EEF1AKMT1: variants seen among roughly 807,000 people sequenced by gnomAD.
EEF1AKMT1 encodes the protein N-6 adenine-specific DNA methyltransferase 2 (putative).
In EEF1AKMT1, 18 loss-of-function variants were observed where a neutral mutation model predicts 21.0. The ratio of observed to expected loss-of-function variants is 0.86; its 90% CI spans 0.59 to 1.27. The LOEUF (loss-of-function observed/expected upper bound fraction) is 1.27. EEF1AKMT1 is among the 50% of genes most tolerant of loss of function. EEF1AKMT1 has a pLI of 0.00. For synonymous variants in EEF1AKMT1, 109 were observed against 94.8 expected, an observed-to-expected ratio of 1.15 and a Z score of -0.87; for missense variants, 246 against 258.6, an observed-to-expected ratio of 0.95 and a Z score of 0.33.
intron 3 of EEF1AKMT1, among the ~76,000 whole-genome samples, chr13:20,736,601 T>A (rs1187250952): frequency 2.0e-5 from 3 of 151,950 alleles, no homozygotes; most frequent in Non-Finnish European, 4.4e-5. Context: ...TGCAGAGCCC[T>A]GGGAATAGGG....
chr13:20,735,569 CT>C (rs2058822042), intron 3 of EEF1AKMT1, among the ~76,000 whole-genome samples: 1 of 152,108 alleles, frequency 6.6e-6, no homozygotes, highest in South Asian at 2.1e-4. Flanking sequence ...ACTGACAAAA[CT>C]ACAAGAAAAG....
At chr13:20,754,889 C>T (rs753980441) in intron 2 of EEF1AKMT1, among the ~76,000 whole-genome samples, 1 of 132,990 alleles carries the variant, frequency 7.5e-6, no homozygotes, top group African/African-American at 2.8e-5. Context: ...GACTCCGCCT[C>T]GGAGAAAAAG....
At chr13:20,753,710 T>C (rs2058955492) in intron 2 of EEF1AKMT1, among the ~76,000 whole-genome samples, 1 of 152,216 alleles carries the variant, frequency 6.6e-6, no homozygotes, top group Admixed American at 6.5e-5. Context: ...TAAAATCTGC[T>C]TTATCTGATA....
chr13:20,765,418 T>G (rs910772263), intron 1 of EEF1AKMT1, among the ~76,000 whole-genome samples: 1 of 130,850 alleles, frequency 7.6e-6, no homozygotes, highest in Non-Finnish European at 1.6e-5. Flanking sequence ...TTTTTTTTTT[T>G]TTTTTTTTTT....
chr13:20,773,863 C>G (rs1011599442), intron 1 of EEF1AKMT1, 58 bp downstream of exon 1: 4 of 152,568 alleles, frequency 2.6e-5, no homozygotes, highest in African/African-American at 9.6e-5. Context: ...TAACCCAGTC[C>G]AAAACGCCTC....
At chr13:20,768,354 G>T (rs75803659) in intron 1 of EEF1AKMT1, among the ~76,000 whole-genome samples, 1 of 152,230 alleles carries the variant, frequency 6.6e-6, no homozygotes, top group East Asian at 1.9e-4. Flanking sequence ...ACCCCACTAC[G>T]GAGGCAAAAC....
intron 2 of EEF1AKMT1, among the ~76,000 whole-genome samples, chr13:20,755,542 T>C (rs957011286): frequency 6.6e-6 from 1 of 152,210 alleles, no homozygotes; most frequent in Admixed American, 6.5e-5. Flanking sequence ...CTCTCCAGGA[T>C]CCTAATTGAT....
At chr13:20,731,681 A>T (rs1484291059) in intron 4 of EEF1AKMT1, among the ~76,000 whole-genome samples, 160 bp downstream of exon 4, 1 of 152,194 alleles carries the variant, frequency 6.6e-6, no homozygotes, top group East Asian at 1.9e-4. Flanking sequence ...GCAGAGTATT[A>T]TCAGTCCTAG....
At chr13:20,765,405 G>GTTTTTTTTTTTTTTTTTTT (rs1171165259) in intron 1 of EEF1AKMT1, among the ~76,000 whole-genome samples, 2 of 58,678 alleles carry the variant, frequency 3.4e-5, no homozygotes, top group Non-Finnish European at 5.7e-5. Context: ...CTTCCCTTGG[G>GTTTTTTTTTTTTTTTTTTT]TTTTTTTTTT....
chr13:20,765,413 T>TTTTG (rs1410108626), intron 1 of EEF1AKMT1, among the ~76,000 whole-genome samples: 2 of 125,796 alleles, frequency 1.6e-5, no homozygotes, highest in East Asian at 5.1e-4. Context: ...GGGTTTTTTT[T>TTTTG]TTTTTTTTTT....
chr13:20,761,155 T>A (rs376504451), intron 1 of EEF1AKMT1, among the ~76,000 whole-genome samples: 7 of 151,660 alleles, frequency 4.6e-5, no homozygotes, highest in African/African-American at 1.5e-4. Flanking sequence ...ACGTGTAGAT[T>A]CATGAAAACA....
chr13:20,759,512 G>A (rs1385922051), intron 1 of EEF1AKMT1, among the ~76,000 whole-genome samples: 3 of 151,818 alleles, frequency 2.0e-5, no homozygotes, highest in Non-Finnish European at 4.4e-5. Context: ...CCTGGGAGGC[G>A]GAGCTTGCAG....
intron 2 of EEF1AKMT1, among the ~76,000 whole-genome samples, chr13:20,739,581 C>T (rs972368434): frequency 9.9e-5 from 15 of 152,088 alleles, no homozygotes; most frequent in African/African-American, 2.7e-4. Flanking sequence ...TCTAGCTAGA[C>T]GTAAAAGTTC....
chr13:20,735,781 A>T (rs2058822953), intron 3 of EEF1AKMT1, among the ~76,000 whole-genome samples: 1 of 152,218 alleles, frequency 6.6e-6, no homozygotes, highest in African/African-American at 2.4e-5. Context: ...CTATGGAGGG[A>T]GAAGAGAACT....
intron 1 of EEF1AKMT1, among the ~76,000 whole-genome samples, chr13:20,765,720 G>C (rs998812795): frequency 2.7e-5 from 4 of 150,798 alleles, no homozygotes; most frequent in African/African-American, 9.7e-5. Context: ...CTCTTCTCTT[G>C]GTTTTAATTC....
chr13:20,768,527 T>C (rs969291430), intron 1 of EEF1AKMT1, among the ~76,000 whole-genome samples: 70 of 152,326 alleles, frequency 4.6e-4, no homozygotes, highest in African/African-American at 1.6e-3. Flanking sequence ...GAGGTCCCTC[T>C]GCAGATACCT....
At chr13:20,741,719 G>A (rs959537547) in intron 2 of EEF1AKMT1, among the ~76,000 whole-genome samples, 13 of 152,034 alleles carry the variant, frequency 8.6e-5, no homozygotes, top group African/African-American at 3.1e-4. Context: ...CTCCCAAAGT[G>A]CTGGGATTAC....
intron 1 of EEF1AKMT1, among the ~76,000 whole-genome samples, chr13:20,770,927 T>G (rs1348061116): frequency 6.6e-6 from 1 of 151,930 alleles, no homozygotes; most frequent in African/African-American, 2.4e-5. Context: ...CTGCCCAGGC[T>G]GGAGTGCAGT....
intron 3 of EEF1AKMT1, among the ~76,000 whole-genome samples, chr13:20,737,268 G>T (rs985612341): frequency 6.6e-6 from 1 of 152,180 alleles, no homozygotes; most frequent in East Asian, 2.0e-4. Flanking sequence ...GGAGGCTGAG[G>T]CAAGAGAATT....
Sources: allele counts gnomAD v4.1 joint callset (sites outside exome capture counted in the v4.1 genomes callset), GRCh38; gene constraint gnomAD v4.1.1; transcripts MANE v1.5; gene names NCBI Gene and HGNC (gene_info 2026-07-23, HGNC 2026-07-21).